The following CHD6 variants were observed in gnomAD, a reference collection of about 807,000 sequenced individuals.
CHD6 encodes the protein chromodomain helicase DNA binding protein 6.
In CHD6, 50 loss-of-function variants were observed where a neutral mutation model predicts 276.9. The ratio of observed to expected loss-of-function variants is 0.18; its 90% CI spans 0.14 to 0.23. The LOEUF is 0.23. Among genes scored for constraint, CHD6 ranks in the 10% least tolerant of loss-of-function variants. The pLI is 1.00. For synonymous variants in CHD6, 1,173 were observed against 1,229.3 expected (o/e 0.95, Z 0.96); for missense variants, 2,564 against 3,365.8 (o/e 0.76, Z 5.89).
intron 20 of CHD6, 141 bp downstream of exon 20, chr20:41,454,485 C>A: frequency 1.6e-6 from 1 of 609,442 alleles, no homozygotes; most frequent in South Asian, 2.3e-5. Flanking sequence ...TGTCTATGTG[C>A]CAGGCATATT....
chr20:41,414,730 G>A (rs2046942055), intron 34 of CHD6: 2 of 669,912 alleles, frequency 3.0e-6, no homozygotes, highest in African/African-American at 1.9e-5. Flanking sequence ...AGCAAAGTGA[G>A]TCTCAGTTGT....
chr20:41,491,597 T>C (rs1403525517), intron 11 of CHD6, 101 bp downstream of exon 11: 2 of 1,332,286 alleles, frequency 1.5e-6, no homozygotes, highest in Non-Finnish European at 2.1e-6. Context: ...ATGGCCATGC[T>C]GCTCCCTCTC....
rs11472253 is a variant in CHD6, at chr20:41,467,561, GAAAAAAAAAAA to G, written c.2664+5750_2664+5760del. Among the ~76,000 whole-genome samples, 21 of 39,156 alleles carry G rather than the reference GAAAAAAAAAAA, an allele frequency of 5.4e-4. 1 individual carries two copies. The Admixed American group carries it at 6.5e-3, about 12-fold the overall frequency. 25.7% of individuals were successfully genotyped at this position (39,156 alleles called of 152,430 possible). On this transcript the variant is annotated intron_variant, in intron 17 of 36. Coordinates refer to ENST00000373233, the MANE Select transcript of CHD6 (RefSeq NM_032221.5). The stretch of plus-strand genomic sequence containing the variant: ...AAATGAATAACGACGTTCTGACAAT[GAAAAAAAAAAA>G]AAAAAAAAAAAAAAGGCTGGGTGTT...
chr20:41,615,238 A>AT (rs1216191266), intron 1 of CHD6, among the ~76,000 whole-genome samples: 3 of 151,430 alleles, frequency 2.0e-5, no homozygotes, highest in Non-Finnish European at 2.9e-5. Context: ...AAACAAAGAT[A>AT]TTTTTCCCAA....
chr20:41,479,192 A>T (rs2043236859), intron 16 of CHD6, among the ~76,000 whole-genome samples: 1 of 152,180 alleles, frequency 6.6e-6, no homozygotes, highest in Non-Finnish European at 1.5e-5. Flanking sequence ...CTTGTGGGGA[A>T]TTATCTCAAG....
intron 1 of CHD6, among the ~76,000 whole-genome samples, chr20:41,591,643 A>C (rs1220059528): frequency 6.6e-6 from 1 of 152,156 alleles, no homozygotes; most frequent in African/African-American, 2.4e-5. Flanking sequence ...TGGTAAGCCA[A>C]GATTGCACCA....
chr20:41,448,093 A>G, intron 23 of CHD6, 122 bp from the exon 24 acceptor site: 1 of 518,322 alleles, frequency 1.9e-6, no homozygotes, highest in Non-Finnish European at 3.4e-6. Flanking sequence ...ATGAAGTAAT[A>G]GAAGAGAAGG....
chr20:41,440,931 A>G (rs1359983834), intron 25 of CHD6, among the ~76,000 whole-genome samples: 1 of 152,092 alleles, frequency 6.6e-6, no homozygotes, highest in Non-Finnish European at 1.5e-5. Flanking sequence ...TGTGTTTGGT[A>G]TTTCATTTCT....
At chr20:41,411,843 T>C (rs540138036) in intron 36 of CHD6, among the ~76,000 whole-genome samples, 1 of 152,350 alleles carries the variant, frequency 6.6e-6, no homozygotes, top group African/African-American at 2.4e-5. Flanking sequence ...TAAAATTTCT[T>C]TCCCCTCATA....
intron 1 of CHD6, among the ~76,000 whole-genome samples, chr20:41,603,984 G>T (rs1271852282): frequency 6.7e-6 from 1 of 149,700 alleles, no homozygotes; most frequent in Non-Finnish European, 1.5e-5. Flanking sequence ...CTATTCCTGT[G>T]TGCATGTGTG....
chr20:41,438,790 A>G (rs1357433837), intron 26 of CHD6, among the ~76,000 whole-genome samples: 14 of 152,182 alleles, frequency 9.2e-5, no homozygotes, highest in Admixed American at 9.2e-4. Context: ...GAATCAGTGA[A>G]TGAACATGAG....
intron 18 of CHD6, 118 bp downstream of exon 18, chr20:41,457,146 T>C: frequency 1.7e-6 from 2 of 1,157,238 alleles, no homozygotes; most frequent in Non-Finnish European, 2.4e-6. Flanking sequence ...CCAATAATGA[T>C]GTGAGGGCTG....
At chr20:41,541,881 A>T (rs1479560867) in intron 2 of CHD6, among the ~76,000 whole-genome samples, 1 of 152,166 alleles carries the variant, frequency 6.6e-6, no homozygotes, top group Non-Finnish European at 1.5e-5. Context: ...CGGGGACAGG[A>T]GATACTTTTA....
chr20:41,404,677 G>T lies in CHD6; in HGVS notation c.8064C>A (p.Pro2688=). The T allele has an allele frequency of 6.4e-7, 1 of 1,560,762 alleles. No individual in the cohort carries two copies. Among genetic ancestry groups the T allele is most frequent in the Non-Finnish European group, 8.7e-7 (1 of 1,152,350 alleles). Residue 2688 remains proline, a synonymous_variant, in exon 37 of 37, where the codon CCC becomes CCA. Coordinates refer to ENST00000373233, the MANE Select transcript of CHD6 (RefSeq NM_032221.5). ...CTCTCTCTGCGGGCAAAGGGGCACT[G>T]GGTTCGGCACAGTTCTCATCACCGC... is the stretch of plus-strand genomic sequence containing the variant. ...EPSGDENCAE[P]SAPLPAEREH... is the part of the protein sequence containing the mutation.
intron 1 of CHD6, among the ~76,000 whole-genome samples, chr20:41,593,202 AGGG>A (rs5841412): frequency 5.4e-4 from 64 of 117,674 alleles, no homozygotes; most frequent in African/African-American, 1.8e-3. Flanking sequence ...CCAATCAAAA[AGGG>A]GGGGGGGGGT....
chr20:41,527,822 G>A (rs2044580797), intron 3 of CHD6, among the ~76,000 whole-genome samples: 2 of 152,176 alleles, frequency 1.3e-5, no homozygotes, highest in South Asian at 4.1e-4. Context: ...CTAATAAGAG[G>A]AGATCAGGTC....
intron 1 of CHD6, among the ~76,000 whole-genome samples, chr20:41,603,428 A>G (rs761112137): frequency 6.6e-6 from 1 of 152,244 alleles, no homozygotes; most frequent in Admixed American, 6.5e-5. Context: ...TTTTATCACT[A>G]TGAGTTATGG....
At chr20:41,572,625 C>T (rs778451976) in intron 1 of CHD6, among the ~76,000 whole-genome samples, 4 of 152,188 alleles carry the variant, frequency 2.6e-5, no homozygotes, top group Non-Finnish European at 5.9e-5. Flanking sequence ...CATGCCTCTG[C>T]ACCTTGTAGC....
At chr20:41,598,398 C>T (rs994446086) in intron 1 of CHD6, among the ~76,000 whole-genome samples, 5 of 152,000 alleles carry the variant, frequency 3.3e-5, no homozygotes, top group African/African-American at 1.2e-4. Flanking sequence ...AACAGGGTAC[C>T]AAGATGCAAA....
Sources: allele counts gnomAD v4.1 joint callset (sites outside exome capture counted in the v4.1 genomes callset), GRCh38; gene constraint gnomAD v4.1.1; transcripts MANE v1.5; gene names NCBI Gene and HGNC (gene_info 2026-07-23, HGNC 2026-07-21).